ROBO2: variants seen among roughly 807,000 people sequenced by gnomAD.
ROBO2 encodes roundabout homolog 2.
A neutral mutation model predicts 160.8 loss-of-function variants in ROBO2; 53 were observed. The observed-to-expected ratio is 0.33, with a 90% CI of 0.26 to 0.41. The LOEUF (loss-of-function observed/expected upper bound fraction) is 0.41, where lower values mean the gene tolerates loss of function less well. Ranked by LOEUF, ROBO2 falls within the 10% of genes least tolerant of loss-of-function variation. The probability of loss-of-function intolerance (pLI) is 1.00; values close to 1 mark genes in which losing one functional copy is unlikely to be tolerated. For missense variants in ROBO2, 1,577 were observed against 1,722.4 expected (o/e 0.92, Z 1.49); for synonymous variants, 664 against 611.7 (o/e 1.09, Z -1.26).
intron 2 of ROBO2, among the ~76,000 whole-genome samples, chr3:76,330,100 A>T (rs2073367696): frequency 6.6e-6 from 1 of 152,228 alleles, no homozygotes; most frequent in African/African-American, 2.4e-5. Context: ...ATAGCACATA[A>T]GTATTATACA....
chr3:77,428,267 A>G (rs2078402614), intron 2 of ROBO2, among the ~76,000 whole-genome samples: 1 of 151,966 alleles, frequency 6.6e-6, no homozygotes, highest in African/African-American at 2.4e-5. Flanking sequence ...TACAGTGTCA[A>G]AATTATTTGG....
intron 2 of ROBO2, among the ~76,000 whole-genome samples, chr3:77,102,080 A>G (rs949276741): frequency 1.3e-5 from 2 of 152,158 alleles, no homozygotes; most frequent in Non-Finnish European, 2.9e-5. Flanking sequence ...GGTTGACACG[A>G]TGCAAATCCC....
At chr3:77,126,871 C>A (rs2150319585) in intron 2 of ROBO2, among the ~76,000 whole-genome samples, 1 of 147,602 alleles carries the variant, frequency 6.8e-6, no homozygotes, top group South Asian at 2.2e-4. Flanking sequence ...TCACTGCAAC[C>A]TCCGCCTCCC....
intron 1 of ROBO2, among the ~76,000 whole-genome samples, chr3:75,914,327 A>C (rs1946719654): frequency 6.6e-6 from 1 of 152,174 alleles, no homozygotes; most frequent in Non-Finnish European, 1.5e-5. Context: ...ACAGTTGTAG[A>C]AATTTCAAAG....
chr3:76,103,424 G>T (rs563174085), intron 2 of ROBO2, among the ~76,000 whole-genome samples: 1 of 152,280 alleles, frequency 6.6e-6, no homozygotes, highest in East Asian at 1.9e-4. Flanking sequence ...AGAAAACAGA[G>T]GTGTTACATG....
chr3:77,477,347 C>G, intron 2 of ROBO2, 67 bp from the exon 3 acceptor site: 6 of 1,523,208 alleles, frequency 3.9e-6, no homozygotes, highest in Middle Eastern at 2.3e-4. Flanking sequence ...CTTGAAGTTA[C>G]CTTGTACAAC....
intron 1 of ROBO2, among the ~76,000 whole-genome samples, chr3:77,043,984 T>C (rs1222500959): frequency 6.6e-6 from 1 of 152,146 alleles, no homozygotes; most frequent in Non-Finnish European, 1.5e-5. Flanking sequence ...AATGGGCTTA[T>C]TATCATAGCC....
At chr3:76,936,042 C>G (rs532875149) in intron 2 of ROBO2, among the ~76,000 whole-genome samples, 2 of 152,200 alleles carry the variant, frequency 1.3e-5, no homozygotes, top group African/African-American at 2.4e-5. Context: ...CTGAAATTCT[C>G]TCATGAAGAG....
chr3:77,272,690 G>C (rs574756101), intron 2 of ROBO2, among the ~76,000 whole-genome samples: 278 of 152,278 alleles, frequency 1.8e-3, no homozygotes, highest in Middle Eastern at 6.8e-3. Flanking sequence ...TTGTCCACCA[G>C]TGACTGTTAC....
Position 76,346,195 on chromosome 3 carries a change from A to C in ROBO2, c.109+408593A>C, listed in dbSNP as rs180802172. On this transcript the variant is annotated intron_variant, in intron 2 of 26. Coordinates refer to the ROBO2 transcript ENST00000487694. ...AATTTAATAATCTCTGAGGAAAGGA[A>C]TGTTAGCTCTCCAAGTTACTAGTAC... is the stretch of plus-strand genomic sequence containing the variant. Among the ~76,000 whole-genome samples, 43 of 151,976 alleles carry C rather than the reference A, an allele frequency of 2.8e-4. No individual in the cohort carries two copies. In the South Asian group the frequency reaches 6.0e-3, roughly 21 times the overall value.
intron 2 of ROBO2, among the ~76,000 whole-genome samples, chr3:76,782,893 T>A (rs2108626818): frequency 6.6e-6 from 1 of 150,994 alleles, no homozygotes; most frequent in East Asian, 2.0e-4. Context: ...AGTTAAAGAC[T>A]TACTATTGCC....
At chr3:77,046,377 T>A (rs1202100842) in intron 1 of ROBO2, among the ~76,000 whole-genome samples, 1 of 152,242 alleles carries the variant, frequency 6.6e-6, no homozygotes, top group Non-Finnish European at 1.5e-5. Flanking sequence ...GTTGTTGTCT[T>A]CTAAGTCTTC....
chr3:77,189,845 C>G (rs2081653628), intron 2 of ROBO2, among the ~76,000 whole-genome samples: 1 of 151,832 alleles, frequency 6.6e-6, no homozygotes, highest in Admixed American at 6.6e-5. Flanking sequence ...CAGGCTGGTA[C>G]TGTTTTTACT....
chr3:75,913,151 A>C (rs1167503207), intron 1 of ROBO2, among the ~76,000 whole-genome samples: 1 of 151,652 alleles, frequency 6.6e-6, no homozygotes, highest in Non-Finnish European at 1.5e-5. Flanking sequence ...CCATTCCTCC[A>C]TTTTCAAGGT....
intron 2 of ROBO2, among the ~76,000 whole-genome samples, chr3:75,994,840 G>A (rs2065679367): frequency 6.6e-6 from 1 of 152,260 alleles, no homozygotes; most frequent in African/African-American, 2.4e-5. Context: ...GAATGGCTTT[G>A]TCCAAAATGT....
intron 2 of ROBO2, among the ~76,000 whole-genome samples, chr3:76,513,327 GTATT>G (rs943543722): frequency 2.6e-5 from 4 of 151,904 alleles, no homozygotes; most frequent in African/African-American, 4.8e-5. Context: ...GTTATTGTGG[GTATT>G]TATTTATTTA....
At chr3:77,320,929 C>A (rs2064617739) in intron 2 of ROBO2, among the ~76,000 whole-genome samples, 1 of 152,108 alleles carries the variant, frequency 6.6e-6, no homozygotes, top group Non-Finnish European at 1.5e-5. Context: ...TTACCAAATT[C>A]ATAATCTTAG....
At chr3:77,041,653 G>C (rs1215849140) in intron 1 of ROBO2, among the ~76,000 whole-genome samples, 1 of 152,086 alleles carries the variant, frequency 6.6e-6, no homozygotes, top group Non-Finnish European at 1.5e-5. Flanking sequence ...CTTTTTTGTG[G>C]TTCTTTTGAA....
intron 2 of ROBO2, among the ~76,000 whole-genome samples, chr3:76,475,351 G>T (rs1000015070): frequency 4.6e-5 from 7 of 152,070 alleles, no homozygotes; most frequent in African/African-American, 1.4e-4. Flanking sequence ...AGGATGAAGT[G>T]GAAGGAGAGA....
Sources: allele counts gnomAD v4.1 joint callset (sites outside exome capture counted in the v4.1 genomes callset), GRCh38; gene constraint gnomAD v4.1.1; transcripts MANE v1.5; gene names NCBI Gene and HGNC (gene_info 2026-07-23, HGNC 2026-07-21).